Variants in ZNF469 observed in about 807,000 individuals in gnomAD.
ZNF469 encodes the protein zinc finger protein 469.
ZNF469 carries 1 observed loss-of-function variant against 1.0 expected under a neutral mutation model. That is an observed-to-expected ratio of 1.00 (90% CI 0.35 to 4.73). The LOEUF is 4.73. Ranked by LOEUF, ZNF469 falls within the 30% of genes most tolerant of loss-of-function variation. ZNF469 has a pLI of 0.16. For synonymous variants in ZNF469, 2,703 were observed against 2,363.4 expected (o/e 1.14, Z -4.17); for missense variants, 6,100 against 5,356.3 (o/e 1.14, Z -4.33).
chr16:88,342,271 C>T, the ZNF469 span, among the ~76,000 whole-genome samples: 2 of 152,124 alleles, frequency 1.3e-5, no homozygotes, highest in African/African-American at 4.8e-5. Flanking sequence ...GGGGTCCAGG[C>T]TGGGACTTGA....
At position 88,430,733 on chromosome 16, in the gene ZNF469, G is replaced by A; in HGVS notation, c.3263G>A (p.Arg1088Lys). The A allele has an allele frequency of 2.0e-6, 3 of 1,500,140 alleles. No homozygotes were observed. In the South Asian group the frequency reaches 3.8e-5, roughly 19 times the overall value. The allele number at this position is 1,500,140 out of a possible 1,614,324, so 92.9% of individuals were successfully genotyped here. A position where few individuals can be genotyped will look rare whatever the true frequency, so the allele number is the denominator to read the frequency against. Reference protein sequence around the residue: ...GRPRPGAEDRRLREYDFASES... With the variant: ...GRPRPGAEDRKLREYDFASES... ...CCCCGGCCCGGAGCTGAGGACCGCA[G>A]GCTCCGCGAGTACGACTTCGCCTCG... Residue 1088 changes from arginine to lysine, a missense_variant, in exon 3 of 3, where the codon AGG (arginine) becomes AAG (lysine). Arg to Lys is a conservative substitution (Grantham distance 26, BLOSUM62 2). Coordinates refer to ENST00000565624, the MANE Select transcript of ZNF469 (RefSeq NM_001367624.2).
In ZNF469 at chr16:88,436,929, T is replaced by C; in HGVS notation, c.9459T>C (p.Phe3153=). ...GCTACATGTGCGTGGAGCGCAGGTT[T>C]GGCTCGCGGGAGCTGCTGCGGGGGC... ...PTCYMCVERR[F]GSRELLRGHL... The change falls in exon 3 of 3, where the codon TTT becomes TTC. Residue 3153 remains phenylalanine, a synonymous_variant. Transcript: ENST00000565624. The C allele has an allele frequency of 6.7e-7, 1 of 1,494,636 alleles. No individual in the cohort carries two copies. The allele number at this position is 1,494,636 out of a possible 1,614,324, so 92.6% of individuals were successfully genotyped here.
chr16:88,259,344 A>G, the ZNF469 span, among the ~76,000 whole-genome samples: 1 of 141,634 alleles, frequency 7.1e-6, no homozygotes, highest in Non-Finnish European at 1.5e-5. The surrounding 1 kb of genome is among the most constrained non-coding windows in gnomAD (Gnocchi z 4.1). Context: ...CCGCGCCCCC[A>G]TCCCTCTGCC....
upstream of ZNF469, among the ~76,000 whole-genome samples, chr16:88,378,263 C>A (rs1470004185): frequency 6.6e-6 from 1 of 152,160 alleles, no homozygotes; most frequent in Non-Finnish European, 1.5e-5. Context: ...GCACCGGGGC[C>A]GGGCCTGTTT....
intron 1 of ZNF469, among the ~76,000 whole-genome samples, chr16:88,417,005 G>A (rs893934088): frequency 1.3e-5 from 2 of 152,190 alleles, no homozygotes; most frequent in African/African-American, 4.8e-5. Context: ...CGTGGTACTC[G>A]GCTTCCTTCT....
chr16:88,185,350 G>T, the ZNF469 span, among the ~76,000 whole-genome samples: 1 of 151,402 alleles, frequency 6.6e-6, no homozygotes, highest in South Asian at 2.1e-4. Flanking sequence ...TACAATGCAT[G>T]CACACACAAA....
the ZNF469 span, among the ~76,000 whole-genome samples, chr16:88,163,536 GGA>G: frequency 7.7e-6 from 1 of 130,028 alleles, no homozygotes; most frequent in South Asian, 2.5e-4. Context: ...ATGGATGGAT[GGA>G]TTGGTAAGTG....
chr16:88,140,658 G>A, the ZNF469 span, among the ~76,000 whole-genome samples: 27 of 152,310 alleles, frequency 1.8e-4, no homozygotes, highest in East Asian at 3.9e-3. Flanking sequence ...GAGGCCAGGC[G>A]CAGTGGCTCA....
intron 1 of ZNF469, among the ~76,000 whole-genome samples, chr16:88,392,043 G>C (rs745347663): frequency 1.3e-5 from 2 of 152,018 alleles, no homozygotes; most frequent in Non-Finnish European, 2.9e-5. Context: ...ATCTTATGCA[G>C]GCTACAAACT....
the ZNF469 span, among the ~76,000 whole-genome samples, chr16:88,344,905 C>G: frequency 6.6e-6 from 1 of 152,246 alleles, no homozygotes; most frequent in Non-Finnish European, 1.5e-5. Flanking sequence ...CACCCGGCCT[C>G]TGGGATTTCC....
the ZNF469 span, among the ~76,000 whole-genome samples, chr16:88,254,109 C>G: frequency 6.6e-6 from 1 of 152,102 alleles, no homozygotes; most frequent in Non-Finnish European, 1.5e-5. Flanking sequence ...CAAAGATATT[C>G]TCTAGTGTTT....
the ZNF469 span, among the ~76,000 whole-genome samples, chr16:88,302,176 G>A: frequency 6.6e-6 from 1 of 152,286 alleles, no homozygotes; most frequent in African/African-American, 2.4e-5. Context: ...CCGACGCCAG[G>A]GAGGACGGAG....
chr16:88,375,578 C>T, the ZNF469 span, among the ~76,000 whole-genome samples: 4 of 152,252 alleles, frequency 2.6e-5, no homozygotes, highest in African/African-American at 9.6e-5. Flanking sequence ...TCGCCCCTGC[C>T]GGTGCCTCTG....
the ZNF469 span, among the ~76,000 whole-genome samples, chr16:88,345,151 A>T: frequency 7.9e-3 from 1,196 of 152,252 alleles, 18 homozygotes; most frequent in African/African-American, 0.027. Flanking sequence ...CAGAGCCTGA[A>T]TTGTCCAGCC....
chr16:88,203,164 T>A, the ZNF469 span, among the ~76,000 whole-genome samples: 6 of 151,646 alleles, frequency 4.0e-5, 1 homozygote, highest in East Asian at 1.2e-3. Context: ...GAAGGGCGAG[T>A]CCGGAGCATC....
In ZNF469 at chr16:88,436,214, C is replaced by T; in HGVS notation, c.8744C>T (p.Ser2915Phe). The change falls in exon 3 of 3, where the codon TCC becomes TTC. Residue 2915 changes from serine (S) to phenylalanine (F), a missense_variant. By Grantham distance (155) the Ser-to-Phe change is radical. Coordinates refer to ENST00000565624, the MANE Select transcript of ZNF469 (RefSeq NM_001367624.2). ...PARLPTDLSD[S>F]SSLCLCHEDP... ...CGCCTGCCCACGGACCTCAGCGACT[C>T]CAGCTCCCTCTGCCTCTGCCATGAG... The T allele has an allele frequency of 1.9e-6, 3 of 1,548,814 alleles. No individual in the cohort carries two copies. Among genetic ancestry groups the T allele is most frequent in the Non-Finnish European group, 2.6e-6 (3 of 1,146,872 alleles).
chr16:88,202,890 C>T, the ZNF469 span, among the ~76,000 whole-genome samples: 64,688 of 151,892 alleles, frequency 0.43, 15,278 homozygotes, highest in South Asian at 0.55. Flanking sequence ...CTCGTGGTGG[C>T]CTTGAGGGCT....
chr16:88,277,120 C>T, the ZNF469 span, among the ~76,000 whole-genome samples: 11 of 152,142 alleles, frequency 7.2e-5, no homozygotes, highest in Non-Finnish European at 1.3e-4. Flanking sequence ...CTGTGCCACG[C>T]TGACGCTTGG....
At chr16:88,380,569 G>T, upstream of ZNF469, among the ~76,000 whole-genome samples, 1 of 97,500 alleles carries the variant, frequency 1.0e-5, no homozygotes, top group African/African-American at 4.0e-5. Context: ...ACACACAGAC[G>T]CCCTCACACA....
Sources: gnomAD v4.1 joint callset for allele counts (sites outside exome capture counted in the v4.1 genomes callset) on GRCh38, gnomAD v4.1.1 for gene constraint, Gnocchi (gnomAD v3.1) non-coding constraint, MANE v1.5 for transcripts, NCBI Gene and HGNC (gene_info 2026-07-23, HGNC 2026-07-21) for gene names.